Variants in PIGL observed in about 807,000 individuals in gnomAD.
PIGL encodes N-acetylglucosaminyl-phosphatidylinositol de-N-acetylase.
In PIGL, 22 loss-of-function variants were observed where a neutral mutation model predicts 31.1. The ratio of observed to expected loss-of-function variants is 0.71; its 90% confidence interval spans 0.51 to 1.01. The LOEUF is 1.01. Ranked by LOEUF, PIGL falls within the 50% of genes least tolerant of loss-of-function variation. The pLI, the probability that PIGL is intolerant of heterozygous loss-of-function variation, is 0.00. For synonymous variants in PIGL, 131 were observed against 117.4 expected (o/e 1.12, Z -0.75); for missense variants, 302 against 315.9 (o/e 0.96, Z 0.33).
intron 1 of PIGL, chr17:16,218,365 G>A (rs2092607824): frequency 6.6e-6 from 1 of 152,048 alleles, no homozygotes; most frequent in South Asian, 2.1e-4. Context: ...ACATTTATGT[G>A]CTAGGCCTTA....
chr17:16,292,275 C>T (rs1181267700), intron 2 of PIGL, among the ~76,000 whole-genome samples: 1 of 151,914 alleles, frequency 6.6e-6, no homozygotes, highest in African/African-American at 2.4e-5. Context: ...GTCAGGTGAT[C>T]CACCCGCCTC....
intron 2 of PIGL, among the ~76,000 whole-genome samples, chr17:16,255,520 C>G (rs1045793658): frequency 4.6e-5 from 7 of 152,196 alleles, no homozygotes; most frequent in Non-Finnish European, 8.8e-5. Flanking sequence ...CTGGAAGTCA[C>G]TGTGTTTTCC....
At chr17:16,310,190 C>T (rs1481157702) in intron 3 of PIGL, among the ~76,000 whole-genome samples, 1 of 151,800 alleles carries the variant, frequency 6.6e-6, no homozygotes, top group East Asian at 1.9e-4. Flanking sequence ...CATTACCCAC[C>T]ACTTCTGTTG....
chr17:16,227,684 G>A (rs1401857565), intron 1 of PIGL, among the ~76,000 whole-genome samples: 2 of 144,438 alleles, frequency 1.4e-5, no homozygotes, highest in Admixed American at 7.1e-5. Context: ...AGGTTCAAGC[G>A]ATTTTCCTGC....
intron 2 of PIGL, among the ~76,000 whole-genome samples, chr17:16,268,816 G>A (rs1487370810): frequency 6.6e-6 from 1 of 151,474 alleles, no homozygotes; most frequent in Non-Finnish European, 1.5e-5. Flanking sequence ...AGGCTGGAGT[G>A]CAGTGGCGCA....
intron 2 of PIGL, among the ~76,000 whole-genome samples, chr17:16,256,429 CCGATTCCTCTGCCTCAGCTTCAAG>C (rs1323633922): frequency 6.6e-6 from 1 of 152,112 alleles, no homozygotes; most frequent in Non-Finnish European, 1.5e-5. Context: ...CCTCCACCTC[CCGATTCCTCTGCCTCAGCTTCAAG>C]CGATTCCTCT....
At chr17:16,286,240 C>A (rs1448308621) in intron 2 of PIGL, among the ~76,000 whole-genome samples, 1 of 152,264 alleles carries the variant, frequency 6.6e-6, no homozygotes, top group Non-Finnish European at 1.5e-5. Flanking sequence ...AAGTGGGACT[C>A]GGTTTTCAGA....
intron 1 of PIGL, 174 bp downstream of exon 1, chr17:16,217,635 TGG>T: frequency 9.4e-6 from 5 of 530,070 alleles, no homozygotes; most frequent in East Asian, 3.1e-5. Flanking sequence ...GCTTACCTGG[TGG>T]GTTGGGGGAC....
At position 16,240,970 on chromosome 17, in the gene PIGL, C is replaced by T. The variant is rs147964422; in HGVS notation, c.335+6900C>T. On this transcript the variant is annotated intron_variant, in intron 2 of 6. Transcript: ENST00000225609. ...TCTCTACTAAAAATACAAAATTAGCCGGGTGTGGTGGCACATCCCTGTAAT... is the reference window on the plus strand; with the variant it reads ...TCTCTACTAAAAATACAAAATTAGCTGGGTGTGGTGGCACATCCCTGTAAT... Among the ~76,000 whole-genome samples the T allele has an allele frequency of 6.8e-3, 1,031 of 151,300 alleles. 7 individuals carry two copies. Among genetic ancestry groups the T allele is most frequent in the Non-Finnish European group, 0.01 (700 of 67,784 alleles).
intron 1 of PIGL, among the ~76,000 whole-genome samples, chr17:16,221,627 T>C (rs1485773541): frequency 1.3e-5 from 2 of 151,950 alleles, no homozygotes; most frequent in Non-Finnish European, 2.9e-5. Context: ...TTTTTGTTTT[T>C]GTTTTTGTTT....
intron 2 of PIGL, among the ~76,000 whole-genome samples, chr17:16,263,447 A>T (rs142764713): frequency 1.3e-5 from 2 of 151,424 alleles, no homozygotes; most frequent in South Asian, 4.2e-4. Flanking sequence ...CCCAAATTAC[A>T]GTTGTGAGCC....
intron 4 of PIGL, among the ~76,000 whole-genome samples, chr17:16,314,220 C>T (rs531934648): frequency 1.3e-5 from 2 of 152,098 alleles, no homozygotes. Flanking sequence ...GTTTCCTGTC[C>T]CCTAGCAAAG....
chr17:16,228,609 C>T (rs1179612272), intron 1 of PIGL, among the ~76,000 whole-genome samples: 1 of 151,704 alleles, frequency 6.6e-6, no homozygotes, highest in African/African-American at 2.4e-5. Context: ...AGGATGGTCT[C>T]GATCTCCTGA....
intron 2 of PIGL, among the ~76,000 whole-genome samples, chr17:16,277,782 T>C (rs1479168556): frequency 6.6e-6 from 1 of 152,188 alleles, no homozygotes; most frequent in Non-Finnish European, 1.5e-5. Context: ...ATAGCCTCTA[T>C]TAAAGCCACA....
At chr17:16,263,097 G>A (rs964487475) in intron 2 of PIGL, among the ~76,000 whole-genome samples, 1 of 151,488 alleles carries the variant, frequency 6.6e-6, no homozygotes, top group African/African-American at 2.4e-5. Context: ...TTTATTTGGG[G>A]GGGGGGGATG....
At chr17:16,261,319 A>T (rs1246347555) in intron 2 of PIGL, among the ~76,000 whole-genome samples, 1 of 152,160 alleles carries the variant, frequency 6.6e-6, no homozygotes, top group Non-Finnish European at 1.5e-5. Flanking sequence ...ATCACTGGCC[A>T]CAGAGGTTTC....
chr17:16,264,010 A>AT lies in PIGL; in HGVS notation c.335+29962dup, dbSNP rs58866950. Among the ~76,000 whole-genome samples the AT allele has an allele frequency of 3.7e-3, 158 of 42,812 alleles. 6 individuals are homozygous for AT. The highest frequency in any genetic ancestry group is 0.013 in the African/African-American group (139 of 10,526). The allele number at this position is 42,812 out of a possible 152,430, so 28.1% of individuals were successfully genotyped here. A position where few individuals can be genotyped will look rare whatever the true frequency, so the allele number is the denominator to read the frequency against. ...GTGCCCCCACCACCACTCCTGGCTGATTTTTTTTTTTTTTTTTTTTTTGAG... is the reference window on the plus strand; with the variant it reads ...GTGCCCCCACCACCACTCCTGGCTGATTTTTTTTTTTTTTTTTTTTTTTGAG... On this transcript the variant is annotated intron_variant, in intron 2 of 6. Transcript: ENST00000225609.
At chr17:16,292,281 G>C (rs539613756) in intron 2 of PIGL, among the ~76,000 whole-genome samples, 3 of 151,676 alleles carry the variant, frequency 2.0e-5, no homozygotes, top group Admixed American at 1.3e-4. Flanking sequence ...TGATCCACCC[G>C]CCTCAGCCTC....
At chr17:16,283,591 TG>T (rs1222060695) in intron 2 of PIGL, among the ~76,000 whole-genome samples, 4 of 152,028 alleles carry the variant, frequency 2.6e-5, no homozygotes, top group African/African-American at 9.7e-5. Context: ...GAGGGTGAGG[TG>T]GGAGGATCAT....
Sources: gnomAD v4.1 joint callset for allele counts (sites outside exome capture counted in the v4.1 genomes callset) on GRCh38, gnomAD v4.1.1 for gene constraint, MANE v1.5 for transcripts, NCBI Gene and HGNC (gene_info 2026-07-23, HGNC 2026-07-21) for gene names.